Variants in GABARAPL2 observed in about 807,000 individuals in gnomAD.
The protein encoded by GABARAPL2 is GABA type A receptor associated protein like 2, also known as gamma-aminobutyric acid receptor-associated protein-like 2.
Under a neutral mutation model 16.9 loss-of-function variants are expected in GABARAPL2, and 11 were observed. That is an observed-to-expected ratio of 0.65 (90% confidence interval 0.41 to 1.08). The LOEUF is 1.08. Ranked by LOEUF, GABARAPL2 falls within the 50% of genes least tolerant of loss-of-function variation. GABARAPL2 has a pLI of 0.00. For synonymous variants in GABARAPL2, 57 were observed against 50.7 expected (o/e 1.12, Z -0.53); for missense variants, 134 against 142.5 (o/e 0.94, Z 0.30).
rs1366765566 is a variant in GABARAPL2 at position 75,576,398 on chromosome 16, C to T, written c.264-881C>T. ...TTGAGGCCTTGGACTCCTTATCTTC[C>T]CCACTGGCTCTTGGTTTATGAGTTC... On this transcript the variant is annotated intron_variant, in intron 3 of 3. Transcript: ENST00000037243. The T allele has an allele frequency of 2.6e-5, 4 of 152,324 alleles. No homozygotes were observed. In the East Asian group the frequency reaches 7.7e-4, roughly 29 times the overall value. The allele number at this position is 152,324 out of a possible 1,614,324, so 9.4% of individuals were successfully genotyped here.
At chr16:75,567,259 C>T (rs1037623003) in intron 2 of GABARAPL2, among the ~76,000 whole-genome samples, 4 of 152,232 alleles carry the variant, frequency 2.6e-5, no homozygotes, top group East Asian at 1.9e-4. Flanking sequence ...GGAAGTGGTA[C>T]TTGAGTCTCA....
In GABARAPL2 at chr16:75,568,229, T is replaced by TG. The variant is rs769203122; in HGVS notation, c.263+23dup. On this transcript the variant is annotated intron_variant, in intron 3 of 3. Coordinates refer to ENST00000037243, the MANE Select transcript of GABARAPL2 (RefSeq NM_007285.7). ...GTCCAGGTGAGAGGTGTTTACTAGA[T>TG]GGGCCCTCTGGTATTAGACATCTGG... 2 of 1,548,244 alleles carry TG rather than the reference T, an allele frequency of 1.3e-6. No homozygotes were observed. Among genetic ancestry groups the TG allele is most frequent in the Non-Finnish European group, 8.9e-7 (1 of 1,125,824 alleles).
rs1004078248 is a variant in GABARAPL2 at position 75,571,286 on chromosome 16, T to G, written c.263+3077T>G. ...GATTATGGGTGTTACCCACCATGCC[T>G]GGCCAGATATTATAACTGACATTGG... On this transcript the variant is annotated intron_variant, in intron 3 of 3. Coordinates refer to ENST00000037243, the MANE Select transcript of GABARAPL2 (RefSeq NM_007285.7). Among the ~76,000 whole-genome samples, 11 of 152,146 alleles carry G rather than the reference T, an allele frequency of 7.2e-5. No individual in the cohort carries two copies. The East Asian group carries it at 1.7e-3, about 24-fold the overall frequency.
Position 75,566,512 on chromosome 16 carries a change from A to T in GABARAPL2, c.26A>T (p.His9Leu). Residue 9 changes from histidine to leucine, a missense_variant, in exon 1 of 4, where the codon CAC becomes CTC. Coordinates refer to ENST00000037243, the MANE Select transcript of GABARAPL2 (RefSeq NM_007285.7). ...ATGAAGTGGATGTTCAAGGAGGACCACTCGCTGGGTAAGCACTTGGTCGTC... is the reference window on the plus strand; with the variant it reads ...ATGAAGTGGATGTTCAAGGAGGACCTCTCGCTGGGTAAGCACTTGGTCGTC... MKWMFKED[H>L]SLEHRCVESA... 6.2e-7 allele frequency: 1 copy of T among 1,608,016 alleles called. No individual in the cohort carries two copies. Among genetic ancestry groups the T allele is most frequent in the South Asian group, 1.1e-5 (1 of 90,430 alleles).
At chr16:75,570,005 C>T (rs1267644274) in intron 3 of GABARAPL2, among the ~76,000 whole-genome samples, 1 of 152,264 alleles carries the variant, frequency 6.6e-6, no homozygotes, top group East Asian at 1.9e-4. Context: ...CCAGCTAGGG[C>T]CCTTTTGCCC....
rs569127449 is a variant in GABARAPL2, at chr16:75,566,409, C to T, written c.-78C>T. 64 of 1,111,874 alleles carry T rather than the reference C, an allele frequency of 5.8e-5. No individual in the cohort carries two copies. Among genetic ancestry groups the T allele is most frequent in the African/African-American group, 1.8e-4 (11 of 62,176 alleles). The allele number at this position is 1,111,874 out of a possible 1,614,324, so 68.9% of individuals were successfully genotyped here. A position where few individuals can be genotyped will look rare whatever the true frequency, so the allele number is the denominator to read the frequency against. ...CCGCCGTCGCTGCCGCTGCCGCTGCCGCCGTCGTTGTTGTTGTGCTCGGTG... is the reference window on the plus strand; with the variant it reads ...CCGCCGTCGCTGCCGCTGCCGCTGCTGCCGTCGTTGTTGTTGTGCTCGGTG... On this transcript the variant is annotated 5_prime_UTR_variant, in exon 1 of 4. Coordinates refer to ENST00000037243, the MANE Select transcript of GABARAPL2 (RefSeq NM_007285.7).
In GABARAPL2 at chr16:75,566,393, C is replaced by CTGCCGCTGCCGCTGCCGCCGTCGT; in HGVS notation, c.-91_-68dup. The CTGCCGCTGCCGCTGCCGCCGTCGT allele has an allele frequency of 8.4e-6, 8 of 946,878 alleles. No homozygotes were observed. The highest frequency in any genetic ancestry group is 4.2e-5 in the Admixed American group (2 of 47,402). 58.7% of individuals were successfully genotyped at this position (946,878 alleles called of 1,614,324 possible). ...GCCTGCCGTGTAGTCGCCGCCGTCG[C>CTGCCGCTGCCGCTGCCGCCGTCGT]TGCCGCTGCCGCTGCCGCCGTCGTT... On this transcript the variant is annotated 5_prime_UTR_variant, in exon 1 of 4. Transcript: ENST00000037243.
intron 1 of GABARAPL2, 31 bp from the exon 2 acceptor site, chr16:75,566,821 C>A: frequency 6.2e-7 from 1 of 1,601,448 alleles, no homozygotes; most frequent in Non-Finnish European, 8.5e-7. Flanking sequence ...TGGGCAGGCG[C>A]GGCCGTCAGC....
intron 3 of GABARAPL2, chr16:75,576,582 T>C (rs1399658436): frequency 1.3e-5 from 2 of 152,362 alleles, no homozygotes; most frequent in African/African-American, 2.4e-5. Flanking sequence ...GGGGCAGAGC[T>C]TGCATAGGGA....
Position 75,577,444 on chromosome 16 carries a change from C to A in GABARAPL2, c.*75C>A. ...TAGCCAGCCATTTTCAGTTATTATA[C>A]CAGAACCTCTTCACATAGACCTATT... On this transcript the variant is annotated 3_prime_UTR_variant, in exon 4 of 4. Coordinates refer to ENST00000037243, the MANE Select transcript of GABARAPL2 (RefSeq NM_007285.7). 1.2e-6 allele frequency: 1 copy of A among 853,904 alleles called. No individual in the cohort carries two copies. The highest frequency in any genetic ancestry group is 2.0e-6 in the Non-Finnish European group (1 of 488,202). The allele number at this position is 853,904 out of a possible 1,614,324, so 52.9% of individuals were successfully genotyped here.
At chr16:75,567,367 A>G (rs909676682) in intron 2 of GABARAPL2, among the ~76,000 whole-genome samples, 1 of 152,242 alleles carries the variant, frequency 6.6e-6, no homozygotes, top group Admixed American at 6.5e-5. Context: ...AATAATGTGA[A>G]AAGCCGCTGA....
At chr16:75,577,203 C>G (rs2080954679) in intron 3 of GABARAPL2, 76 bp from the exon 4 acceptor site, 4 of 869,386 alleles carry the variant, frequency 4.6e-6, no homozygotes. Flanking sequence ...TACTAAATTC[C>G]TGTCCTCAGG....
intron 3 of GABARAPL2, among the ~76,000 whole-genome samples, chr16:75,572,960 T>G (rs1410683606): frequency 6.6e-6 from 1 of 152,220 alleles, no homozygotes; most frequent in Non-Finnish European, 1.5e-5. Flanking sequence ...CAGCAAGCCT[T>G]GGAGCTGCAG....
chr16:75,566,964 G>C lies in GABARAPL2; in HGVS notation c.90+57G>C, dbSNP rs569692896. 268 of 1,373,354 alleles carry C rather than the reference G, an allele frequency of 2.0e-4. 1 individual carries two copies. The highest frequency in any genetic ancestry group is 1.1e-3 in the Admixed American group (63 of 59,634). The allele number at this position is 1,373,354 out of a possible 1,614,324, so 85.1% of individuals were successfully genotyped here. On this transcript the variant is annotated intron_variant, in intron 2 of 3. Coordinates refer to ENST00000037243, the MANE Select transcript of GABARAPL2 (RefSeq NM_007285.7). ...GTCACCTCTGTCGTCTGGGACCCGTGATAGGCCCCAGGCCATTCAACAGTT... is the reference window on the plus strand; with the variant it reads ...GTCACCTCTGTCGTCTGGGACCCGTCATAGGCCCCAGGCCATTCAACAGTT...
chr16:75,572,169 A>C (rs2080919166), intron 3 of GABARAPL2: 1 of 152,138 alleles, frequency 6.6e-6, no homozygotes, highest in Admixed American at 6.5e-5. Context: ...TCAAAACAAA[A>C]AAAGGAACAA....
intron 3 of GABARAPL2, among the ~76,000 whole-genome samples, chr16:75,570,664 G>C (rs1165208940): frequency 6.6e-6 from 1 of 152,214 alleles, no homozygotes; most frequent in Admixed American, 6.5e-5. Flanking sequence ...CGGTCACCAT[G>C]TAAAGTGTCA....
intron 3 of GABARAPL2, among the ~76,000 whole-genome samples, chr16:75,570,520 T>A (rs1193217986): frequency 6.6e-6 from 1 of 152,046 alleles, no homozygotes; most frequent in Non-Finnish European, 1.5e-5. Context: ...CTGGGGAAAT[T>A]AGAGAAGGGA....
chr16:75,566,400 T>A lies in GABARAPL2; in HGVS notation c.-87T>A, dbSNP rs1350671043. On this transcript the variant is annotated 5_prime_UTR_variant, in exon 1 of 4. Coordinates refer to ENST00000037243, the MANE Select transcript of GABARAPL2 (RefSeq NM_007285.7). ...GTGTAGTCGCCGCCGTCGCTGCCGC[T>A]GCCGCTGCCGCCGTCGTTGTTGTTG... 4.0e-5 allele frequency: 41 copies of A among 1,026,100 alleles called. No homozygotes were observed. Among genetic ancestry groups the A allele is most frequent in the Non-Finnish European group, 5.6e-5 (38 of 676,382 alleles). 63.6% of individuals were successfully genotyped at this position (1,026,100 alleles called of 1,614,324 possible). A position where few individuals can be genotyped will look rare whatever the true frequency, so the allele number is the denominator to read the frequency against.
At chr16:75,574,352 T>C (rs996073920) in intron 3 of GABARAPL2, among the ~76,000 whole-genome samples, 1 of 152,226 alleles carries the variant, frequency 6.6e-6, no homozygotes, top group African/African-American at 2.4e-5. Context: ...ACAGAGACAC[T>C]ATGGGGCGAC....
Sources: gnomAD v4.1 joint callset for allele counts (sites outside exome capture counted in the v4.1 genomes callset) on GRCh38, gnomAD v4.1.1 for gene constraint, MANE v1.5 for transcripts, NCBI Gene and HGNC (gene_info 2026-07-23, HGNC 2026-07-21) for gene names.